Variants in JMJD1C observed in about 807,000 individuals in gnomAD.
JMJD1C encodes the protein jumonji domain-containing protein 1C.
JMJD1C carries 31 observed loss-of-function variants against 245.3 expected under a neutral mutation model. The ratio of observed to expected loss-of-function variants is 0.13; its 90% CI spans 0.09 to 0.17. JMJD1C has a LOEUF of 0.17. Among genes scored for constraint, JMJD1C ranks in the 10% least tolerant of loss-of-function variants. The pLI is 1.00. For synonymous variants in JMJD1C, 1,057 were observed against 1,017.4 expected (o/e 1.04, Z -0.74); for missense variants, 2,691 against 3,000.2 (o/e 0.90, Z 2.41).
In JMJD1C at chr10:63,213,840, G is replaced by C. The variant is rs1564619634; in HGVS notation, c.2327C>G (p.Thr776Ser). The C allele has an allele frequency of 6.2e-7, 1 of 1,614,004 alleles. No individual in the cohort carries two copies. The highest frequency in any genetic ancestry group is 8.5e-7 in the Non-Finnish European group (1 of 1,179,904). ...ACTAGTCAGAGGATGAGTGTTAATGGTAGGTAATGGAGTTTGACTAGATGA... is the reference window on the plus strand; with the variant it reads ...ACTAGTCAGAGGATGAGTGTTAATGCTAGGTAATGGAGTTTGACTAGATGA... Reference protein sequence around the residue: ...AGSSSQTPLPTINTHPLTSGP... With the variant: ...AGSSSQTPLPSINTHPLTSGP... The change falls in exon 8 of 26, where the codon ACC (threonine) becomes AGC (serine). Residue 776 changes from threonine (T) to serine (S), a missense_variant. By Grantham distance (58) the Thr-to-Ser change is moderately conservative. This residue lies in a region of JMJD1C where 1,562 missense variants were observed against 1,490.7 expected (regional missense o/e 1.05). Transcript: ENST00000399262.
At chr10:63,506,077 A>G (rs746319700) in intron 1 of JMJD1C, among the ~76,000 whole-genome samples, 8 of 152,186 alleles carry the variant, frequency 5.3e-5, no homozygotes, top group Non-Finnish European at 1.0e-4. Flanking sequence ...TTTCTTTAAT[A>G]ATCAGTGAGA....
At chr10:63,266,067 T>G (rs934673699) in intron 2 of JMJD1C, among the ~76,000 whole-genome samples, 22 of 152,050 alleles carry the variant, frequency 1.4e-4, no homozygotes, top group Admixed American at 1.1e-3. Context: ...AAGTTAAAAA[T>G]TTAATATTAA....
chr10:63,263,959 T>TACACACACACACAC (rs746833882), intron 3 of JMJD1C, among the ~76,000 whole-genome samples: 16 of 83,006 alleles, frequency 1.9e-4, no homozygotes, highest in African/African-American at 5.9e-4. Flanking sequence ...AAAATACACA[T>TACACACACACACAC]ACACACACAC....
intron 12 of JMJD1C, among the ~76,000 whole-genome samples, chr10:63,197,930 T>C (rs571823212): frequency 1.3e-5 from 2 of 152,308 alleles, no homozygotes; most frequent in South Asian, 4.1e-4. Context: ...CCCTCAGTTA[T>C]GCAACCAAAG....
intron 2 of JMJD1C, among the ~76,000 whole-genome samples, chr10:63,275,821 T>C (rs1856722173): frequency 6.6e-6 from 1 of 151,922 alleles, no homozygotes; most frequent in African/African-American, 2.4e-5. Context: ...CTTTCAGCCC[T>C]TTTTTTCCTC....
At position 63,168,019 on chromosome 10, in the gene JMJD1C, C is replaced by T. The variant is rs1348977448; in HGVS notation, c.*26G>A. On this transcript the variant is annotated 3_prime_UTR_variant, in exon 26 of 26. Coordinates refer to ENST00000399262, the MANE Select transcript of JMJD1C (RefSeq NM_032776.3). ...AGGTTAAGTAATCCCAGTTCAACAACCTAAAAATATCAAACTGGATCACAC... is the reference window on the plus strand; with the variant it reads ...AGGTTAAGTAATCCCAGTTCAACAATCTAAAAATATCAAACTGGATCACAC... The T allele has an allele frequency of 4.5e-6, 6 of 1,334,028 alleles. No individual in the cohort carries two copies. The highest frequency in any genetic ancestry group is 6.5e-6 in the Non-Finnish European group (6 of 925,944). The allele number at this position is 1,334,028 out of a possible 1,614,324, so 82.6% of individuals were successfully genotyped here.
intron 1 of JMJD1C, among the ~76,000 whole-genome samples, chr10:63,478,303 A>G (rs1953724077): frequency 6.6e-6 from 1 of 152,222 alleles, no homozygotes; most frequent in Non-Finnish European, 1.5e-5. Flanking sequence ...ATAAAAACCT[A>G]TGTTCATAAA....
chr10:63,349,528 G>A (rs1244625282), intron 2 of JMJD1C, among the ~76,000 whole-genome samples: 4 of 152,172 alleles, frequency 2.6e-5, no homozygotes, highest in African/African-American at 9.7e-5. Context: ...AGGATAGCCA[G>A]GCATGTATTA....
intron 2 of JMJD1C, among the ~76,000 whole-genome samples, chr10:63,359,864 T>C (rs1485371993): frequency 1.3e-5 from 2 of 152,176 alleles, no homozygotes; most frequent in African/African-American, 2.4e-5. Context: ...CCGGTACTTT[T>C]AGATTCAAGA....
chr10:63,193,365 T>C lies in JMJD1C; in HGVS notation c.5842A>G (p.Thr1948Ala), dbSNP rs372998437. 28 of 1,600,176 alleles carry C rather than the reference T, an allele frequency of 1.7e-5. No homozygotes were observed. Among genetic ancestry groups the C allele is most frequent in the African/African-American group, 4.0e-5 (3 of 74,502 alleles). The change falls in exon 15 of 26, where the codon ACA becomes GCA. Residue 1948 changes from threonine (T) to alanine (A), a missense_variant. Physicochemically the swap from Thr to Ala is moderately conservative, Grantham distance 58. Around this residue, in one of 9 missense-constraint regions of JMJD1C, gnomAD observed 275 missense variants for 285.5 expected, o/e 0.96. Coordinates refer to ENST00000399262, the MANE Select transcript of JMJD1C (RefSeq NM_032776.3). The stretch of plus-strand genomic sequence containing the variant: ...CTCACTTGAGATACACCATTCATTG[T>C]AGGAAAATTTCCAACTTGTAAATTC... ...KQNLQVGNFP[T>A]MNGVSQVLQN...
At chr10:63,342,820 A>C (rs1023558634) in intron 2 of JMJD1C, among the ~76,000 whole-genome samples, 7 of 152,192 alleles carry the variant, frequency 4.6e-5, no homozygotes, top group Non-Finnish European at 1.0e-4. Context: ...AATAGTGATA[A>C]TTTTGCTTTC....
chr10:63,475,965 T>C (rs534310906), intron 1 of JMJD1C, among the ~76,000 whole-genome samples: 2 of 152,172 alleles, frequency 1.3e-5, no homozygotes, highest in Admixed American at 1.3e-4. Context: ...TCCCAGCACT[T>C]TGGGAGGCTG....
At chr10:63,359,029 A>G (rs1172962996) in intron 2 of JMJD1C, 2 of 153,834 alleles carry the variant, frequency 1.3e-5, no homozygotes, top group African/African-American at 4.8e-5. Flanking sequence ...ATAGAAATCC[A>G]TTTCATATTC....
At chr10:63,236,498 A>T (rs940972184) in intron 3 of JMJD1C, among the ~76,000 whole-genome samples, 5 of 152,188 alleles carry the variant, frequency 3.3e-5, no homozygotes, top group African/African-American at 1.2e-4. Context: ...TCTGGAAGGC[A>T]GTTTTTCTTT....
chr10:63,184,458 G>A (rs1843877489), intron 21 of JMJD1C, 150 bp downstream of exon 21: 3 of 605,366 alleles, frequency 5.0e-6, no homozygotes, highest in East Asian at 6.3e-5. Context: ...TGACCAGGAT[G>A]GTCTCAATCT....
At chr10:63,201,688 G>C (rs1264923871) in intron 10 of JMJD1C, among the ~76,000 whole-genome samples, 1 of 152,118 alleles carries the variant, frequency 6.6e-6, no homozygotes, top group Non-Finnish European at 1.5e-5. Context: ...CCAGTACTTT[G>C]GGAGGCTGAG....
At chr10:63,202,656 C>A in intron 10 of JMJD1C, 1 of 985,424 alleles carries the variant, frequency 1.0e-6, no homozygotes, top group Non-Finnish European at 1.2e-6. Flanking sequence ...TGGCTTAATC[C>A]ACTAGAGAAA....
rs961857437 is a variant in JMJD1C, at chr10:63,208,042, A to T, written c.3627T>A (p.Phe1209Leu). The T allele has an allele frequency of 6.2e-7, 1 of 1,614,048 alleles. No homozygotes were observed. The highest frequency in any genetic ancestry group is 1.3e-5 in the African/African-American group (1 of 74,928). The part of the protein sequence containing the change: ...SMPALHRAPV[F>L]HPPIHHSLER... Reference sequence around the variant, plus strand: ...CCAGGCTGTGATGGATTGGTGGGTGAAATACTGGTGCTCTATGTAATGCAG... The same window carrying T: ...CCAGGCTGTGATGGATTGGTGGGTGTAATACTGGTGCTCTATGTAATGCAG... The change falls in exon 10 of 26, where the codon TTT becomes TTA. Residue 1209 changes from phenylalanine to leucine, a missense_variant. By Grantham distance (22) the Phe-to-Leu change is conservative (BLOSUM62 0). Transcript: ENST00000399262.
At chr10:63,345,679 G>C (rs1943754973) in intron 2 of JMJD1C, among the ~76,000 whole-genome samples, 1 of 152,100 alleles carries the variant, frequency 6.6e-6, no homozygotes, top group African/African-American at 2.4e-5. Flanking sequence ...ACAACTACAA[G>C]GGGGCAGCAC....
Sources: allele counts gnomAD v4.1 joint callset (sites outside exome capture counted in the v4.1 genomes callset), GRCh38; gene constraint gnomAD v4.1.1; regional missense constraint gnomAD v4.1.1; transcripts MANE v1.5; gene names NCBI Gene and HGNC (gene_info 2026-07-23, HGNC 2026-07-21).